The following CLSTN2 variants were observed in gnomAD, a reference collection of about 807,000 sequenced individuals.
The protein encoded by CLSTN2 is calsyntenin 2, also known as calsyntenin-2.
In CLSTN2, 48 loss-of-function variants were observed where a neutral mutation model predicts 101.2. That is an observed-to-expected ratio of 0.47 (90% CI 0.38 to 0.60). The LOEUF (loss-of-function observed/expected upper bound fraction) is 0.60. Among genes scored for constraint, CLSTN2 ranks in the 20% least tolerant of loss-of-function variants. The probability of loss-of-function intolerance (pLI) is 0.00; values close to 1 mark genes in which losing one functional copy is unlikely to be tolerated. For synonymous variants in CLSTN2, 481 were observed against 463.6 expected (o/e 1.04, Z -0.48); for missense variants, 1,160 against 1,238.2 (o/e 0.94, Z 0.95).
At chr3:140,256,667 T>C (rs1251882875) in intron 2 of CLSTN2, among the ~76,000 whole-genome samples, 1 of 152,228 alleles carries the variant, frequency 6.6e-6, no homozygotes, top group Non-Finnish European at 1.5e-5. Flanking sequence ...GAAAGGAGTG[T>C]TCCTCAAGGT....
chr3:140,134,257 T>A (rs1434394988), intron 1 of CLSTN2, among the ~76,000 whole-genome samples: 1 of 152,226 alleles, frequency 6.6e-6, no homozygotes, highest in East Asian at 1.9e-4. Context: ...TCCCCCTATG[T>A]GCTCATTCTC....
intron 2 of CLSTN2, among the ~76,000 whole-genome samples, chr3:140,288,383 C>T (rs938859735): frequency 3.3e-5 from 5 of 152,092 alleles, no homozygotes; most frequent in African/African-American, 1.2e-4. Flanking sequence ...CCAGACATTC[C>T]TTTCACACTG....
chr3:140,076,613 C>T (rs928371493), intron 1 of CLSTN2, among the ~76,000 whole-genome samples: 16 of 142,088 alleles, frequency 1.1e-4, no homozygotes, highest in Non-Finnish European at 1.9e-4. Flanking sequence ...TGACTCCCCT[C>T]TCACCAGCAG....
chr3:140,266,936 T>A (rs765712462), intron 2 of CLSTN2, among the ~76,000 whole-genome samples: 11 of 152,220 alleles, frequency 7.2e-5, no homozygotes, highest in Non-Finnish European at 1.2e-4. Context: ...TTAGAAAGAA[T>A]GCTAAGGCTG....
At chr3:139,985,653 A>G (rs774668739) in intron 1 of CLSTN2, among the ~76,000 whole-genome samples, 1 of 152,190 alleles carries the variant, frequency 6.6e-6, no homozygotes, top group Non-Finnish European at 1.5e-5. Flanking sequence ...AGCTGTCACT[A>G]AAAAAGGCTT....
chr3:140,076,270 T>A (rs2008486680), intron 1 of CLSTN2, among the ~76,000 whole-genome samples: 1 of 152,216 alleles, frequency 6.6e-6, no homozygotes, highest in African/African-American at 2.4e-5. Flanking sequence ...AATATTCTAT[T>A]ATGTGTATAT....
At chr3:140,424,174 C>T (rs1386284729) in intron 5 of CLSTN2, among the ~76,000 whole-genome samples, 2 of 152,186 alleles carry the variant, frequency 1.3e-5, no homozygotes, top group African/African-American at 4.8e-5. Flanking sequence ...CAATTCCTTC[C>T]TGCCTAAAGG....
At chr3:140,365,317 C>T (rs546551324) in intron 2 of CLSTN2, among the ~76,000 whole-genome samples, 9 of 152,012 alleles carry the variant, frequency 5.9e-5, no homozygotes, top group African/African-American at 1.9e-4. Flanking sequence ...AGTTGCTGAG[C>T]CAGGGCAGCT....
chr3:140,058,089 T>A (rs147595029), intron 1 of CLSTN2, among the ~76,000 whole-genome samples: 237 of 150,396 alleles, frequency 1.6e-3, no homozygotes, highest in Non-Finnish European at 2.7e-3. Flanking sequence ...TGCTTCCATT[T>A]AAAAAAAAAA....
At chr3:140,551,923 G>C (rs966190221) in intron 10 of CLSTN2, among the ~76,000 whole-genome samples, 2 of 151,658 alleles carry the variant, frequency 1.3e-5, no homozygotes, top group Non-Finnish European at 2.9e-5. Context: ...TGTGACAGAA[G>C]AACTTCTAAA....
At chr3:140,476,101 G>A (rs1307173549) in intron 8 of CLSTN2, among the ~76,000 whole-genome samples, 5 of 152,238 alleles carry the variant, frequency 3.3e-5, no homozygotes, top group Admixed American at 6.5e-5. Flanking sequence ...GGAGGGAGGC[G>A]TCTCCTTGGC....
intron 2 of CLSTN2, among the ~76,000 whole-genome samples, chr3:140,307,357 C>T (rs984011136): frequency 1.3e-5 from 2 of 152,170 alleles, no homozygotes; most frequent in Non-Finnish European, 2.9e-5. Flanking sequence ...CTCTCCTTGC[C>T]CTTCCTCCTG....
chr3:140,105,943 T>C (rs34851994), intron 1 of CLSTN2, among the ~76,000 whole-genome samples: 15,557 of 152,150 alleles, frequency 0.1, 1,162 homozygotes, highest in East Asian at 0.27. Flanking sequence ...AATGTGGAAA[T>C]CATCCCCTAT....
At chr3:140,091,641 T>C (rs2008781901) in intron 1 of CLSTN2, among the ~76,000 whole-genome samples, 1 of 152,210 alleles carries the variant, frequency 6.6e-6, no homozygotes, top group Non-Finnish European at 1.5e-5. Flanking sequence ...ACTTTGATAT[T>C]GAAATGCAGA....
chr3:140,250,336 A>G (rs1206933992), intron 2 of CLSTN2, among the ~76,000 whole-genome samples: 1 of 152,166 alleles, frequency 6.6e-6, no homozygotes. Flanking sequence ...AAGGCCTTCC[A>G]AAGAATGTGC....
chr3:140,396,406 C>G (rs1002790955), intron 2 of CLSTN2, among the ~76,000 whole-genome samples: 1 of 152,176 alleles, frequency 6.6e-6, no homozygotes, highest in Non-Finnish European at 1.5e-5. Context: ...TCAGCCTTTT[C>G]AGTTCTTAAA....
chr3:140,553,527 G>T (rs1481371939), intron 10 of CLSTN2, among the ~76,000 whole-genome samples: 1 of 152,182 alleles, frequency 6.6e-6, no homozygotes, highest in Non-Finnish European at 1.5e-5. Context: ...GGCCTGGGAA[G>T]TGCTAAATTT....
intron 1 of CLSTN2, among the ~76,000 whole-genome samples, chr3:140,048,240 G>C (rs1315175299): frequency 6.6e-6 from 1 of 152,150 alleles, no homozygotes; most frequent in Non-Finnish European, 1.5e-5. Flanking sequence ...ACAATCTCTA[G>C]TGTAAACCCT....
chr3:140,337,205 G>A (rs144420378), intron 2 of CLSTN2, among the ~76,000 whole-genome samples: 1 of 152,174 alleles, frequency 6.6e-6, no homozygotes, highest in African/African-American at 2.4e-5. Flanking sequence ...AACACAAACT[G>A]GTTAGCTTCC....
Sources: allele counts gnomAD v4.1 joint callset (sites outside exome capture counted in the v4.1 genomes callset), GRCh38; gene constraint gnomAD v4.1.1; transcripts MANE v1.5; gene names NCBI Gene and HGNC (gene_info 2026-07-23, HGNC 2026-07-21).